DNAH3: variants seen among roughly 807,000 people sequenced by gnomAD.
The protein encoded by DNAH3 is axonemal beta dynein heavy chain 3.
DNAH3 carries 332 observed loss-of-function variants against 432.5 expected under a neutral mutation model. The observed-to-expected ratio is 0.77, with a 90% confidence interval of 0.70 to 0.84. DNAH3 has a LOEUF of 0.84. Ranked by LOEUF, DNAH3 falls within the 40% of genes least tolerant of loss-of-function variation. DNAH3 has a pLI of 0.00. For missense variants in DNAH3, 4,861 were observed against 5,114.0 expected (o/e 0.95, Z 1.51); for synonymous variants, 1,956 against 1,900.2 (o/e 1.03, Z -0.76).
At chr16:20,983,127 ATTT>A (rs1213778225) in intron 48 of DNAH3, among the ~76,000 whole-genome samples, 2 of 151,870 alleles carry the variant, frequency 1.3e-5, no homozygotes, top group African/African-American at 4.8e-5. Flanking sequence ...AAAAATTTTA[ATTT>A]TTTATTTTTT....
intron 36 of DNAH3, among the ~76,000 whole-genome samples, chr16:21,032,837 T>A: frequency 6.6e-6 from 1 of 152,124 alleles, no homozygotes; most frequent in East Asian, 1.9e-4. Flanking sequence ...CTCTGCAGCA[T>A]CCTGAGGCAA....
chr16:21,001,830 A>T (rs568433403), intron 42 of DNAH3, among the ~76,000 whole-genome samples: 1 of 152,298 alleles, frequency 6.6e-6, no homozygotes, highest in South Asian at 2.1e-4. Flanking sequence ...TGGGAGTTTA[A>T]AGCAAGTTGG....
intron 31 of DNAH3, among the ~76,000 whole-genome samples, chr16:21,046,515 T>C (rs1423312222): frequency 6.6e-6 from 1 of 152,090 alleles, no homozygotes; most frequent in Non-Finnish European, 1.5e-5. Flanking sequence ...TTTTTTTGTT[T>C]TTCATTGGCT....
At chr16:21,145,277 C>G in exon 3 of DNAH3, 10 of 1,614,046 alleles carry the variant, frequency 6.2e-6, no homozygotes, top group Non-Finnish European at 8.5e-6. Flanking sequence ...AGGTCCTGGG[C>G]CATCAAGGAG....
chr16:20,978,522 G>A (rs922285516), intron 50 of DNAH3, among the ~76,000 whole-genome samples: 7 of 152,018 alleles, frequency 4.6e-5, no homozygotes, highest in South Asian at 4.1e-4. Flanking sequence ...GAGAGATTGC[G>A]TCTCGAAAGA....
At chr16:21,003,992 T>C (rs1475765283) in intron 41 of DNAH3, among the ~76,000 whole-genome samples, 2 of 152,166 alleles carry the variant, frequency 1.3e-5, no homozygotes, top group Non-Finnish European at 2.9e-5. Flanking sequence ...AAAATAACTA[T>C]GTTAAAGTTA....
chr16:21,064,909 T>G (rs986140819), intron 24 of DNAH3, among the ~76,000 whole-genome samples: 4 of 147,370 alleles, frequency 2.7e-5, no homozygotes, highest in Admixed American at 2.0e-4. Flanking sequence ...GTGTTTAACT[T>G]AGGGTAAAAA....
chr16:21,065,630 T>C (rs951276464), intron 24 of DNAH3, among the ~76,000 whole-genome samples: 2 of 152,114 alleles, frequency 1.3e-5, no homozygotes, highest in African/African-American at 4.8e-5. Flanking sequence ...ATGTGGCTAT[T>C]TACATTAAAA....
intron 16 of DNAH3, among the ~76,000 whole-genome samples, chr16:21,101,399 T>C (rs2091833958): frequency 6.6e-6 from 1 of 152,312 alleles, no homozygotes. Flanking sequence ...ACATATTTCA[T>C]ATAAATAAAT....
At chr16:21,129,771 G>A (rs1409280335) in intron 7 of DNAH3, among the ~76,000 whole-genome samples, 1 of 77,798 alleles carries the variant, frequency 1.3e-5, no homozygotes, top group Non-Finnish European at 2.4e-5. Context: ...GTGTTAGGCT[G>A]CATCCATCCC....
At chr16:20,995,416 T>C (rs553115397) in intron 44 of DNAH3, among the ~76,000 whole-genome samples, 1 of 151,836 alleles carries the variant, frequency 6.6e-6, no homozygotes, top group Admixed American at 6.6e-5. Flanking sequence ...CAGGTGTGCA[T>C]CATGCCCGGC....
intron 26 of DNAH3, among the ~76,000 whole-genome samples, chr16:21,059,569 G>A (rs1188723160): frequency 2.6e-5 from 4 of 152,148 alleles, no homozygotes; most frequent in Non-Finnish European, 5.9e-5. Flanking sequence ...GAGGTCAGGA[G>A]TTCGAGACCA....
chr16:21,090,135 A>G (rs1215921194), intron 18 of DNAH3, among the ~76,000 whole-genome samples: 1 of 152,042 alleles, frequency 6.6e-6, no homozygotes, highest in Non-Finnish European at 1.5e-5. Context: ...AAGATAAACT[A>G]GAAAACCTGA....
exon 48 of DNAH3, chr16:20,985,109 G>T (rs766298044): frequency 6.2e-7 from 1 of 1,614,038 alleles, no homozygotes; most frequent in Admixed American, 1.7e-5. Context: ...ATAGAAAGAG[G>T]AGTGACTTCA....
chr16:20,970,637 A>G (rs1475437203), intron 51 of DNAH3, among the ~76,000 whole-genome samples: 1 of 152,180 alleles, frequency 6.6e-6, no homozygotes, highest in Non-Finnish European at 1.5e-5. Context: ...GAAAAGAGCA[A>G]TCGGATTGTT....
chr16:21,092,635 T>C (rs913127196), intron 18 of DNAH3, among the ~76,000 whole-genome samples: 1 of 137,302 alleles, frequency 7.3e-6, no homozygotes, highest in African/African-American at 2.8e-5. Context: ...AATGAAAAGA[T>C]TCTCCCCTGT....
At chr16:21,002,304 G>A (rs1012978055) in intron 42 of DNAH3, among the ~76,000 whole-genome samples, 5 of 152,084 alleles carry the variant, frequency 3.3e-5, no homozygotes, top group African/African-American at 7.2e-5. Context: ...AGTTGTAGGT[G>A]TATCATTTTC....
intron 5 of DNAH3, 113 bp downstream of exon 6, chr16:21,140,423 G>T: frequency 8.7e-7 from 1 of 1,156,042 alleles, no homozygotes; most frequent in Non-Finnish European, 1.2e-6. Flanking sequence ...CTAGACTTTG[G>T]TGTTTTTCAA....
At position 20,944,481 on chromosome 16, in the gene DNAH3, C is replaced by G; in HGVS notation, c.11511+15G>C. ...TGGGAAATAGGATTAAGCCCCCTTTCCCGAGCCCAGTTACCTGAGGGGACT... is the reference window on the plus strand; with the variant it reads ...TGGGAAATAGGATTAAGCCCCCTTTGCCGAGCCCAGTTACCTGAGGGGACT... On this transcript the variant is annotated intron_variant, in intron 58 of 61. Transcript: ENST00000261383. 1 of 1,613,832 alleles carries G rather than the reference C, an allele frequency of 6.2e-7. No homozygotes were observed. Among genetic ancestry groups the G allele is most frequent in the Non-Finnish European group, 8.5e-7 (1 of 1,179,800 alleles).
Sources: allele counts gnomAD v4.1 joint callset (sites outside exome capture counted in the v4.1 genomes callset), GRCh38; gene constraint gnomAD v4.1.1; transcripts MANE v1.5; gene names NCBI Gene and HGNC (gene_info 2026-07-23, HGNC 2026-07-21).